Variants in CSNK1G1 observed in about 807,000 individuals in gnomAD.
CSNK1G1 encodes the protein casein kinase I isoform gamma-1.
A neutral mutation model predicts 59.6 loss-of-function variants in CSNK1G1; 22 were observed. The ratio of observed to expected loss-of-function variants is 0.37; its 90% CI spans 0.26 to 0.53. The LOEUF (loss-of-function observed/expected upper bound fraction) is 0.53. Among genes scored for constraint, CSNK1G1 ranks in the 20% least tolerant of loss-of-function variants. CSNK1G1 has a pLI of 0.89. For missense variants in CSNK1G1, 384 were observed against 519.5 expected (o/e 0.74, Z 2.54); for synonymous variants, 179 against 177.1 (o/e 1.01, Z -0.08).
chr15:64,180,389 T>C lies in CSNK1G1; in HGVS notation c.1173A>G (p.Pro391=), dbSNP rs766601706. The C allele has an allele frequency of 3.1e-6, 5 of 1,614,178 alleles. No individual in the cohort carries two copies. Among genetic ancestry groups the C allele is most frequent in the Non-Finnish European group, 2.5e-6 (3 of 1,180,022 alleles). Residue 391 remains proline (P), a synonymous_variant, in exon 11 of 12, where the codon CCA becomes CCG. Transcript: ENST00000303052. ...CCTCCACCTCGGCATGAGCTGTGAT[T>C]GGTGCATTGGAGTGGGCTCCCGTGG... ...DDPTGAHSNA[P]ITAHAEVEVV...
intron 10 of CSNK1G1, among the ~76,000 whole-genome samples, chr15:64,187,284 C>T (rs1415637318): frequency 6.6e-6 from 1 of 151,998 alleles, no homozygotes; most frequent in Non-Finnish European, 1.5e-5. Context: ...TTCTGCCTCC[C>T]AGATTCAGGC....
chr15:64,181,308 T>G, intron 10 of CSNK1G1: 1 of 1,536,142 alleles, frequency 6.5e-7, no homozygotes. Context: ...TTCTCTTGCA[T>G]GTGTAGCTGC....
At chr15:64,202,611 G>A (rs2082122900) in intron 10 of CSNK1G1, among the ~76,000 whole-genome samples, 1 of 151,492 alleles carries the variant, frequency 6.6e-6, no homozygotes, top group Non-Finnish European at 1.5e-5. Flanking sequence ...TGCAAATGCG[G>A]AAGCAATCTT....
chr15:64,180,253 G>T, intron 11 of CSNK1G1, 95 bp downstream of exon 11: 1 of 911,396 alleles, frequency 1.1e-6, no homozygotes, highest in Non-Finnish European at 1.8e-6. Flanking sequence ...ACAAGCATGA[G>T]AAATCCAGTC....
intron 2 of CSNK1G1, among the ~76,000 whole-genome samples, chr15:64,282,754 T>C (rs1481268920): frequency 2.0e-5 from 3 of 152,230 alleles, no homozygotes; most frequent in Admixed American, 2.0e-4. Context: ...AAAGTGGTTA[T>C]AGCATTTTAC....
In CSNK1G1 at chr15:64,214,704, C is replaced by G. The variant is rs1230469948; in HGVS notation, c.445-580G>C. Among the ~76,000 whole-genome samples the G allele has an allele frequency of 6.6e-6, 1 of 151,950 alleles. No individual in the cohort carries two copies. Among genetic ancestry groups the G allele is most frequent in the Non-Finnish European group, 1.5e-5 (1 of 67,982 alleles). On this transcript the variant is annotated intron_variant, in intron 5 of 11. Transcript: ENST00000303052. This position sits in a 1 kb window ranked among gnomAD's most constrained non-coding sequence, Gnocchi z 4.3. Reference sequence around the variant, plus strand: ...TTGAGACGGAGTCTTGCTCTGTCACCCAGGGTGGAGTGCAGCCTCAGCCTC... The same window carrying G: ...TTGAGACGGAGTCTTGCTCTGTCACGCAGGGTGGAGTGCAGCCTCAGCCTC...
Position 64,251,585 on chromosome 15 carries a change from A to G in CSNK1G1, c.223-4T>C. 1 of 1,606,642 alleles carries G rather than the reference A, an allele frequency of 6.2e-7. No homozygotes were observed. The highest frequency in any genetic ancestry group is 8.5e-7 in the Non-Finnish European group (1 of 1,174,646). ...GAGCACGTGATTTTATTGGTTCCTG[A>G]AATCCAAAAAGAAAAACTGTGATCA... On this transcript the variant is annotated splice_region_variant and splice_polypyrimidine_tract_variant and intron_variant, in intron 3 of 11. Transcript: ENST00000303052.
chr15:64,199,926 T>A (rs1266265783), intron 10 of CSNK1G1, among the ~76,000 whole-genome samples: 2 of 152,196 alleles, frequency 1.3e-5, no homozygotes, highest in Middle Eastern at 3.4e-3. Context: ...AAAAGAATTT[T>A]AAAAAATAAA....
intron 2 of CSNK1G1, among the ~76,000 whole-genome samples, chr15:64,262,278 T>C (rs547318390): frequency 4.6e-5 from 7 of 152,280 alleles, no homozygotes; most frequent in African/African-American, 1.2e-4. Context: ...ATAAATCACA[T>C]GATATAGTGA....
chr15:64,192,592 C>A (rs2081986063), intron 10 of CSNK1G1, among the ~76,000 whole-genome samples: 1 of 152,104 alleles, frequency 6.6e-6, no homozygotes, highest in African/African-American at 2.4e-5. Context: ...GTGACACTAA[C>A]AAAGTGCCAT....
At position 64,168,503 on chromosome 15, in the gene CSNK1G1, T is replaced by G. The variant is rs369300293; in HGVS notation, c.*3428A>C. Reference sequence around the variant, plus strand: ...TGCCTCAAATCTGTTTAGGATGCAATGTCTGAGGGACTGTAGAGCTTGGGA... The same window carrying G: ...TGCCTCAAATCTGTTTAGGATGCAAGGTCTGAGGGACTGTAGAGCTTGGGA... On this transcript the variant is annotated 3_prime_UTR_variant, in exon 12 of 12. Coordinates refer to ENST00000303052, the MANE Select transcript of CSNK1G1 (RefSeq NM_022048.5). 4 of 152,256 alleles carry G rather than the reference T, an allele frequency of 2.6e-5. No homozygotes were observed. Among genetic ancestry groups the G allele is most frequent in the East Asian group, 3.8e-4 (2 of 5,208 alleles). The allele number at this position is 152,256 out of a possible 1,614,324, so 9.4% of individuals were successfully genotyped here. A position where few individuals can be genotyped will look rare whatever the true frequency, so the allele number is the denominator to read the frequency against.
intron 2 of CSNK1G1, among the ~76,000 whole-genome samples, chr15:64,273,268 G>T (rs1209805005): frequency 6.6e-6 from 1 of 151,990 alleles, no homozygotes; most frequent in Non-Finnish European, 1.5e-5. Context: ...TACCCCATAA[G>T]CATGTACAAT....
chr15:64,348,822 GAAATT>G (rs1356046561), intron 1 of CSNK1G1, among the ~76,000 whole-genome samples: 1 of 152,148 alleles, frequency 6.6e-6, no homozygotes, highest in South Asian at 2.1e-4. Flanking sequence ...GGTCAACAGA[GAAATT>G]AAAGTGTATT....
At chr15:64,225,913 C>T (rs1484659065) in intron 4 of CSNK1G1, among the ~76,000 whole-genome samples, 3 of 152,186 alleles carry the variant, frequency 2.0e-5, no homozygotes, top group Non-Finnish European at 4.4e-5. Context: ...AGGCGTGAGA[C>T]ACTGCTCCCG....
intron 2 of CSNK1G1, among the ~76,000 whole-genome samples, chr15:64,299,448 C>T (rs1240675668): frequency 2.6e-5 from 4 of 151,842 alleles, no homozygotes; most frequent in Non-Finnish European, 5.9e-5. Flanking sequence ...CAAAATTAGC[C>T]GGGCGTGGTG....
At position 64,189,281 on chromosome 15, in the gene CSNK1G1, A is replaced by G. The variant is rs944621762; in HGVS notation, c.1108-8827T>C. The G allele has an allele frequency of 9.1e-6, 9 of 985,256 alleles. No homozygotes were observed. The African/African-American group carries it at 1.2e-4, about 13-fold the overall frequency. The allele number at this position is 985,256 out of a possible 1,614,324, so 61.0% of individuals were successfully genotyped here. A position where few individuals can be genotyped will look rare whatever the true frequency, so the allele number is the denominator to read the frequency against. ...AAAGCAAAAGGAGGGTCGACCTTCA[A>G]CTAAAAACCTCTTTGGATTCTGCTT... is the stretch of plus-strand genomic sequence containing the variant. On this transcript the variant is annotated intron_variant, in intron 10 of 11. Transcript: ENST00000303052.
At chr15:64,223,017 A>G (rs2082411222) in intron 4 of CSNK1G1, among the ~76,000 whole-genome samples, 1 of 152,156 alleles carries the variant, frequency 6.6e-6, no homozygotes, top group Non-Finnish European at 1.5e-5. Context: ...TTTGAGCATA[A>G]AAGTTTCTTT....
chr15:64,185,943 A>C (rs2081888755), intron 10 of CSNK1G1, among the ~76,000 whole-genome samples: 1 of 152,122 alleles, frequency 6.6e-6, no homozygotes, highest in African/African-American at 2.4e-5. Context: ...ATAATGTTAA[A>C]AAGGAAAATA....
chr15:64,173,619 C>CTTTTTTTTTTTTTTT (rs928192194), intron 11 of CSNK1G1, among the ~76,000 whole-genome samples: 71 of 108,540 alleles, frequency 6.5e-4, no homozygotes, highest in South Asian at 9.1e-4. Context: ...CTTTTCTTTT[C>CTTTTTTTTTTTTTTT]TTTTTTTTTT....
Sources: gnomAD v4.1 joint callset for allele counts (sites outside exome capture counted in the v4.1 genomes callset) on GRCh38, gnomAD v4.1.1 for gene constraint, Gnocchi (gnomAD v3.1) non-coding constraint, MANE v1.5 for transcripts, NCBI Gene and HGNC (gene_info 2026-07-23, HGNC 2026-07-21) for gene names.